The following ITK variants were observed in gnomAD, a reference collection of about 807,000 sequenced individuals.
ITK encodes IL2 inducible T cell kinase.
In ITK, 45 loss-of-function variants were observed where a neutral mutation model predicts 87.6. The observed-to-expected ratio is 0.51, with a 90% CI of 0.40 to 0.66. The LOEUF is 0.66. Ranked by LOEUF, ITK falls within the 30% of genes least tolerant of loss-of-function variation. The pLI is 0.00. For missense variants in ITK, 605 were observed against 766.3 expected, an observed-to-expected ratio of 0.79 and a Z score of 2.48; for synonymous variants, 303 against 273.6, an observed-to-expected ratio of 1.11 and a Z score of -1.06.
intron 1 of ITK, among the ~76,000 whole-genome samples, chr5:157,190,104 TA>T (rs1186098324): frequency 1.3e-5 from 2 of 152,212 alleles, no homozygotes; most frequent in Non-Finnish European, 2.9e-5. Flanking sequence ...TTCTGTATTT[TA>T]ATAAAATAAG....
intron 9 of ITK, among the ~76,000 whole-genome samples, chr5:157,239,844 G>T (rs557144653): frequency 1.3e-5 from 2 of 152,284 alleles, no homozygotes; most frequent in East Asian, 3.9e-4. Context: ...TCACAGCATT[G>T]CTGTCCACTG....
chr5:157,186,732 A>G (rs944896217), intron 1 of ITK, among the ~76,000 whole-genome samples: 1 of 151,788 alleles, frequency 6.6e-6, no homozygotes, highest in Admixed American at 6.6e-5. Flanking sequence ...TTTGCCTCCT[A>G]AAGTTCTCCT....
intron 5 of ITK, among the ~76,000 whole-genome samples, chr5:157,221,977 C>A (rs1754427464): frequency 6.6e-6 from 1 of 151,916 alleles, no homozygotes; most frequent in South Asian, 2.1e-4. Flanking sequence ...ATAGTGAGAC[C>A]CTGTCTCTCT....
intron 1 of ITK, among the ~76,000 whole-genome samples, chr5:157,190,326 T>C (rs1273249206): frequency 6.6e-6 from 1 of 152,332 alleles, no homozygotes; most frequent in East Asian, 1.9e-4. Context: ...TATTATTGGT[T>C]TGTTTGTTTT....
intron 4 of ITK, among the ~76,000 whole-genome samples, chr5:157,217,029 C>T (rs564354823): frequency 2.6e-5 from 4 of 152,186 alleles, no homozygotes; most frequent in South Asian, 2.1e-4. Flanking sequence ...TTATTAAGGA[C>T]GTCTTTGTAT....
intron 11 of ITK, 77 bp from the exon 12 acceptor site, chr5:157,243,546 C>A: frequency 4.9e-6 from 6 of 1,216,362 alleles, no homozygotes; most frequent in Non-Finnish European, 6.1e-6. Context: ...CTAGTTAGGG[C>A]TTTATAGTCC....
intron 4 of ITK, among the ~76,000 whole-genome samples, chr5:157,216,525 G>T (rs1380310208): frequency 1.3e-5 from 2 of 152,098 alleles, no homozygotes; most frequent in East Asian, 3.9e-4. Flanking sequence ...GTATGGGTCT[G>T]GGAAGCAGCA....
At chr5:157,245,811 C>G in intron 14 of ITK, 21 bp downstream of exon 14, 2 of 1,613,086 alleles carry the variant, frequency 1.2e-6, no homozygotes, top group South Asian at 1.1e-5. Flanking sequence ...GATGTGGTGC[C>G]GGTGAAGTCT....
rs27341 is a variant in ITK at position 157,252,566 on chromosome 5, T to C, written c.1792-41T>C. The C allele has an allele frequency of 0.41, 600,997 of 1,482,452 alleles. 125,779 individuals are homozygous for C. The highest frequency in any genetic ancestry group is 0.64 in the African/African-American group (45,942 of 72,264). 91.8% of individuals were successfully genotyped at this position (1,482,452 alleles called of 1,614,324 possible). A position where few individuals can be genotyped will look rare whatever the true frequency, so the allele number is the denominator to read the frequency against. ...TTGTTTTGGATTTACCTATGACGCA[T>C]AAGTACAAGGAACTTACAGAGTTCT... On this transcript the variant is annotated intron_variant, in intron 16 of 16. Coordinates refer to ENST00000422843, the MANE Select transcript of ITK (RefSeq NM_005546.4).
At chr5:157,240,563 T>C in intron 10 of ITK, 1 of 322,020 alleles carries the variant, frequency 3.1e-6, no homozygotes, top group Non-Finnish European at 6.0e-6. Flanking sequence ...AAGGAATACC[T>C]GAGGCTGGGT....
At chr5:157,185,614 G>T (rs1265599944) in intron 1 of ITK, among the ~76,000 whole-genome samples, 1 of 151,892 alleles carries the variant, frequency 6.6e-6, no homozygotes, top group Non-Finnish European at 1.5e-5. Context: ...GGGAGGCCTA[G>T]GTGGGCGGAT....
chr5:157,214,083 C>A (rs1215096525), intron 3 of ITK, 108 bp from the exon 4 acceptor site: 5 of 863,032 alleles, frequency 5.8e-6, no homozygotes, highest in African/African-American at 1.6e-5. Flanking sequence ...CTGGGCAATA[C>A]TCATTCAGGC....
At chr5:157,193,089 G>T (rs1282901006) in intron 1 of ITK, among the ~76,000 whole-genome samples, 1 of 152,160 alleles carries the variant, frequency 6.6e-6, no homozygotes, top group Non-Finnish European at 1.5e-5. Flanking sequence ...GGGCATGGTT[G>T]TGCACACCTA....
At chr5:157,225,475 A>AG (rs1561658261) in intron 6 of ITK, among the ~76,000 whole-genome samples, 3 of 152,308 alleles carry the variant, frequency 2.0e-5, no homozygotes, top group African/African-American at 7.2e-5. Flanking sequence ...TTAAAAAAAA[A>AG]AAAGAGGGGC....
chr5:157,254,472 A>G lies in ITK; in HGVS notation c.*1794A>G, dbSNP rs756583626. ...ACTTTCAGCTGTAGTCTTCTTGAAC[A>G]CTTCATGAGGAGGGACATTCCCTGA... On this transcript the variant is annotated 3_prime_UTR_variant, in exon 17 of 17. Coordinates refer to ENST00000422843, the MANE Select transcript of ITK (RefSeq NM_005546.4). 4.5e-6 allele frequency: 1 copy of G among 220,776 alleles called. No individual in the cohort carries two copies. The highest frequency in any genetic ancestry group is 9.1e-6 in the Non-Finnish European group (1 of 110,252). 13.7% of individuals were successfully genotyped at this position (220,776 alleles called of 1,614,324 possible).
chr5:157,207,078 T>A (rs535679735), intron 1 of ITK, among the ~76,000 whole-genome samples: 117 of 152,256 alleles, frequency 7.7e-4, no homozygotes, highest in African/African-American at 2.4e-3. Flanking sequence ...TAAATTTTTT[T>A]AAAAAAGAAA....
intron 1 of ITK, among the ~76,000 whole-genome samples, chr5:157,187,978 AT>A (rs1263801309): frequency 6.6e-6 from 1 of 151,598 alleles, no homozygotes; most frequent in African/African-American, 2.4e-5. Flanking sequence ...TAAAAAAAAA[AT>A]TTATAGAGAC....
intron 5 of ITK, among the ~76,000 whole-genome samples, chr5:157,218,440 G>A (rs1438774312): frequency 1.3e-5 from 2 of 149,812 alleles, no homozygotes; most frequent in Non-Finnish European, 3.0e-5. Flanking sequence ...CCAGGAGGTC[G>A]AGACTGCAGT....
At chr5:157,186,073 T>C (rs1215508122) in intron 1 of ITK, among the ~76,000 whole-genome samples, 1 of 152,162 alleles carries the variant, frequency 6.6e-6, no homozygotes, top group East Asian at 1.9e-4. Flanking sequence ...CAAAGAGGGT[T>C]TAAACAACTT....
Sources: gnomAD v4.1 joint callset for allele counts (sites outside exome capture counted in the v4.1 genomes callset) on GRCh38, gnomAD v4.1.1 for gene constraint, MANE v1.5 for transcripts, NCBI Gene and HGNC (gene_info 2026-07-23, HGNC 2026-07-21) for gene names.